PLPPR3: variants seen among roughly 807,000 people sequenced by gnomAD.
PLPPR3 encodes the protein phospholipid phosphatase related 3, also known as phospholipid phosphatase-related protein type 3.
Under a neutral mutation model 27.3 loss-of-function variants are expected in PLPPR3, and 14 were observed. The ratio of observed to expected loss-of-function variants is 0.51; its 90% confidence interval spans 0.34 to 0.80. PLPPR3 has a LOEUF of 0.80. Among genes scored for constraint, PLPPR3 ranks in the 30% least tolerant of loss-of-function variants. The pLI is 0.01. For synonymous variants in PLPPR3, 671 were observed against 508.0 expected (o/e 1.32, Z -4.32); for missense variants, 1,287 against 1,056.9 (o/e 1.22, Z -3.02).
At chr19:819,967 T>C (rs528330156) in intron 2 of PLPPR3, among the ~76,000 whole-genome samples, 3 of 151,404 alleles carry the variant, frequency 2.0e-5, no homozygotes, top group Non-Finnish European at 2.9e-5. Flanking sequence ...CAGGCTCCTA[T>C]GTAACTGAGA....
chr19:814,715 C>A lies in PLPPR3; in HGVS notation c.634G>T (p.Ala212Ser). 1 of 1,590,056 alleles carries A rather than the reference C, an allele frequency of 6.3e-7. No individual in the cohort carries two copies. The change falls in exon 6 of 8, where the codon GCC becomes TCC. Residue 212 changes from alanine to serine, a missense_variant. By Grantham distance (99) the Ala-to-Ser change is moderately conservative (BLOSUM62 1). Transcript: ENST00000520876. Reference protein sequence around the residue: ...TFPSQHATLSAFAAVYVSMYF... With the variant: ...TFPSQHATLSSFAAVYVSMYF... The stretch of plus-strand genomic sequence containing the variant: ...ACCGACACATAGACCGCGGCGAAGG[C>A]TGACAGCGTGGCGTGCTGGGACGGG...
rs772125601 is a variant in PLPPR3, at chr19:815,241, G to A, written c.348C>T (p.Ile116=). Residue 116 remains isoleucine (I), a synonymous_variant, in exon 4 of 8, where the codon ATC becomes ATT. Transcript: ENST00000520876. ...AGGPAGAEGS[I]NAGGCNFNSF... ...AGTTGAAGTTGCAGCCGCCGGCGTT[G>A]ATGCTGCCCTCCGCCCCGGCGGGCC... is the stretch of plus-strand genomic sequence containing the variant. The A allele has an allele frequency of 1.3e-6, 2 of 1,587,076 alleles. No homozygotes were observed. Among genetic ancestry groups the A allele is most frequent in the African/African-American group, 1.4e-5 (1 of 73,972 alleles).
chr19:820,054 C>T (rs930470638), intron 2 of PLPPR3, among the ~76,000 whole-genome samples: 3 of 152,118 alleles, frequency 2.0e-5, no homozygotes, highest in African/African-American at 7.2e-5. Context: ...TGCCATGTTG[C>T]CCAGGCTAGT....
intron 7 of PLPPR3, 51 bp downstream of exon 7, chr19:814,383 C>CT: frequency 6.6e-7 from 1 of 1,524,592 alleles, no homozygotes; most frequent in East Asian, 2.4e-5. Flanking sequence ...TGCCTCCCCC[C>CT]TCAGATCCCC....
chr19:818,492 G>A (rs1023834803), intron 2 of PLPPR3, among the ~76,000 whole-genome samples: 1 of 152,154 alleles, frequency 6.6e-6, no homozygotes, highest in Non-Finnish European at 1.5e-5. Flanking sequence ...CTTGAGGCCT[G>A]GAGTTCAACG....
chr19:821,753 C>A, intron 1 of PLPPR3, 162 bp downstream of exon 1: 1 of 395,416 alleles, frequency 2.5e-6, no homozygotes, highest in Non-Finnish European at 4.4e-6. Flanking sequence ...CCGGGCGCCC[C>A]TACACCCGGG....
chr19:820,111 G>A (rs769845438), intron 2 of PLPPR3, among the ~76,000 whole-genome samples: 3 of 152,016 alleles, frequency 2.0e-5, no homozygotes, highest in Admixed American at 2.0e-4. Flanking sequence ...GCCTCCCAAT[G>A]TGTTGAGATC....
rs780962686 is a variant in PLPPR3 at position 813,600 on chromosome 19, G to C, written c.1127C>G (p.Thr376Arg). 6.5e-7 allele frequency: 1 copy of C among 1,548,514 alleles called. No homozygotes were observed. The highest frequency in any genetic ancestry group is 8.7e-7 in the Non-Finnish European group (1 of 1,148,228). The change falls in exon 8 of 8, where the codon ACG becomes AGG. Residue 376 changes from threonine to arginine, a missense_variant. Physicochemically the swap from Thr to Arg is moderately conservative, Grantham distance 71. Coordinates refer to ENST00000520876, the MANE Select transcript of PLPPR3 (RefSeq NM_001270366.2). This position sits in a 1 kb window ranked among gnomAD's most constrained non-coding sequence, Gnocchi z 4.1. ...CGAGGGCGCGCTGGCCCTGGGCAGC[G>C]TGTGGCTGAAGGTCACCATGTTCTC... ...AKENMVTFSHTLPRASAPSLD... is the reference protein window; with the variant it reads ...AKENMVTFSHRLPRASAPSLD...
intron 3 of PLPPR3, 37 bp downstream of exon 3, chr19:815,629 C>T: frequency 6.5e-7 from 1 of 1,541,862 alleles, no homozygotes; most frequent in South Asian, 1.2e-5. Flanking sequence ...AGCCGTGGTG[C>T]CCACAGGCTG....
chr19:819,102 G>T (rs1437124764), intron 2 of PLPPR3, among the ~76,000 whole-genome samples: 1 of 107,674 alleles, frequency 9.3e-6, no homozygotes, highest in Non-Finnish European at 1.8e-5. Context: ...TCAGCCTCCG[G>T]AGTAGCTGAG....
intron 2 of PLPPR3, among the ~76,000 whole-genome samples, chr19:817,299 TCCC>T (rs941649491): frequency 1.1e-4 from 16 of 150,546 alleles, no homozygotes; most frequent in African/African-American, 3.9e-4. Context: ...CCTTTTTTTT[TCCC>T]CCACTCTGTC....
intron 1 of PLPPR3, 100 bp downstream of exon 1, chr19:821,815 G>A: frequency 2.9e-6 from 1 of 342,726 alleles, no homozygotes; most frequent in Non-Finnish European, 5.2e-6. Flanking sequence ...TCTCCGGGCG[G>A]GAGCCAGTCC....
intron 2 of PLPPR3, among the ~76,000 whole-genome samples, chr19:820,404 C>CA (rs1056327340): frequency 6.6e-6 from 1 of 152,168 alleles, no homozygotes; most frequent in African/African-American, 2.4e-5. Context: ...AGGTTGGTCT[C>CA]AAACTCCTGG....
chr19:814,023 G>A (rs351991), intron 7 of PLPPR3, 128 bp from the exon 8 acceptor site: 165,029 of 872,268 alleles, frequency 0.19, 21,710 homozygotes, highest in African/African-American at 0.59. Context: ...CAGTGGGACC[G>A]GTTCCCACCC....
In PLPPR3 at chr19:812,541, G is replaced by GCCCCCCCCCCCCCCC; in HGVS notation, c.*28_*29insGGGGGGGGGGGGGGG. The GCCCCCCCCCCCCCCC allele has an allele frequency of 3.2e-6, 2 of 617,396 alleles. No individual in the cohort carries two copies. The highest frequency in any genetic ancestry group is 2.0e-6 in the Non-Finnish European group (1 of 496,530). The allele number at this position is 617,396 out of a possible 1,614,324, so 38.2% of individuals were successfully genotyped here. On this transcript the variant is annotated 3_prime_UTR_variant, in exon 8 of 8. Transcript: ENST00000520876. ...GCGCGGCCGCCCGCGCCCTCGGCCCGCCCCCCGCCCGCCCCCGGCCCCGCC... is the reference window on the plus strand; with the variant it reads ...GCGCGGCCGCCCGCGCCCTCGGCCCGCCCCCCCCCCCCCCCCCCCCCGCCCGCCCCCGGCCCCGCC...
At chr19:823,513 C>G (rs898405125), upstream of PLPPR3, among the ~76,000 whole-genome samples, 50 of 151,824 alleles carry the variant, frequency 3.3e-4, 1 homozygote, top group Admixed American at 3.3e-3. Context: ...TTAGTTTGCT[C>G]ATAACAGGCA....
intron 3 of PLPPR3, 30 bp downstream of exon 3, chr19:815,636 G>A: frequency 6.4e-7 from 1 of 1,551,588 alleles, no homozygotes; most frequent in Non-Finnish European, 8.7e-7. Context: ...GTGCCCACAG[G>A]CTGGCACAGG....
At position 812,962 on chromosome 19, in the gene PLPPR3, G is replaced by A. The variant is rs766195811; in HGVS notation, c.1765C>T (p.His589Tyr). 2.1e-4 allele frequency: 306 copies of A among 1,458,322 alleles called. No homozygotes were observed. The highest frequency in any genetic ancestry group is 6.5e-4 in the Admixed American group (27 of 41,308). 90.3% of individuals were successfully genotyped at this position (1,458,322 alleles called of 1,614,324 possible). ...GCCGACAGGTGCACCACGGGGTGGTGCGGCGCGTGCGCGTCGATGGTCACG... is the reference window on the plus strand; with the variant it reads ...GCCGACAGGTGCACCACGGGGTGGTACGGCGCGTGCGCGTCGATGGTCACG... ...SIVTIDAHAP[H>Y]HPVVHLSAGG... Residue 589 changes from histidine (H) to tyrosine (Y), a missense_variant, in exon 8 of 8, where the codon CAC (histidine) becomes TAC (tyrosine). Transcript: ENST00000520876.
In PLPPR3 at chr19:813,680, C is replaced by T. The variant is rs773460062; in HGVS notation, c.1047G>A (p.Leu349=). ...VAREKTSLGS[L]KRASVDVDLL... ...GGTCCACGTCCACGCTGGCGCGCTT[C>T]AGGCTGCCCAGCGAGGTCTTCTCGC... The change falls in exon 8 of 8, where the codon CTG becomes CTA. Residue 349 remains leucine, a synonymous_variant. Transcript: ENST00000520876. The surrounding 1 kb of genome is among the most constrained non-coding windows in gnomAD (Gnocchi z 4.1). 27 of 1,532,678 alleles carry T rather than the reference C, an allele frequency of 1.8e-5. No homozygotes were observed. The African/African-American group carries it at 2.6e-4, about 15-fold the overall frequency. 94.9% of individuals were successfully genotyped at this position (1,532,678 alleles called of 1,614,324 possible). A position where few individuals can be genotyped will look rare whatever the true frequency, so the allele number is the denominator to read the frequency against.
Sources: gnomAD v4.1 joint callset for allele counts (sites outside exome capture counted in the v4.1 genomes callset) on GRCh38, gnomAD v4.1.1 for gene constraint, Gnocchi (gnomAD v3.1) non-coding constraint, MANE v1.5 for transcripts, NCBI Gene and HGNC (gene_info 2026-07-23, HGNC 2026-07-21) for gene names.